SATB1: variants seen among roughly 807,000 people sequenced by gnomAD.
SATB1 encodes the protein SATB homeobox 1, also known as DNA-binding protein SATB1.
Under a neutral mutation model 86.9 loss-of-function variants are expected in SATB1, and 11 were observed. The ratio of observed to expected loss-of-function variants is 0.13; its 90% confidence interval spans 0.08 to 0.21. SATB1 has a LOEUF of 0.21. Ranked by LOEUF, SATB1 falls within the 10% of genes least tolerant of loss-of-function variation. SATB1 has a pLI of 1.00. For synonymous variants in SATB1, 357 were observed against 357.2 expected (o/e 1.00, Z 0.01); for missense variants, 551 against 937.6 (o/e 0.59, Z 5.39).
chr3:18,353,274 A>T (rs1694464426), intron 9 of SATB1, among the ~76,000 whole-genome samples: 1 of 151,880 alleles, frequency 6.6e-6, no homozygotes, highest in Non-Finnish European at 1.5e-5. Flanking sequence ...TGGACAACTT[A>T]CTCTACCCTT....
At chr3:18,422,043 C>A (rs756181408) in intron 1 of SATB1, among the ~76,000 whole-genome samples, 4 of 152,020 alleles carry the variant, frequency 2.6e-5, no homozygotes, top group Non-Finnish European at 5.9e-5. Context: ...ATATCAAAGT[C>A]ATTTTTAAAG....
chr3:18,351,411 A>G, intron 10 of SATB1: 1 of 1,543,020 alleles, frequency 6.5e-7, no homozygotes, highest in Non-Finnish European at 8.7e-7. Flanking sequence ...GAGGGGCTCT[A>G]AAGGAAAGAC....
chr3:18,417,479 A>C, intron 2 of SATB1: 3 of 590,972 alleles, frequency 5.1e-6, no homozygotes, highest in Non-Finnish European at 6.0e-6. Context: ...AGAAGAACCC[A>C]CCTTTCTACT....
At chr3:18,404,815 T>C (rs540182860) in intron 5 of SATB1, among the ~76,000 whole-genome samples, 1 of 151,608 alleles carries the variant, frequency 6.6e-6, no homozygotes, top group South Asian at 2.1e-4. Context: ...CAAATGAATA[T>C]ACTGGTAAAG....
rs762402113 is a variant in SATB1, at chr3:18,352,242, C to A, written c.1576-47G>T. 6.4e-7 allele frequency: 1 copy of A among 1,558,320 alleles called. No homozygotes were observed. The highest frequency in any genetic ancestry group is 8.8e-7 in the Non-Finnish European group (1 of 1,132,008). ...GGTCAGTTTGTGCCTATGAGAGGGG[C>A]TGGCATTTTCCATTAGGAGCTAAAA... is the stretch of plus-strand genomic sequence containing the variant. On this transcript the variant is annotated intron_variant, in intron 9 of 10. Transcript: ENST00000338745. This position sits in a 1 kb window ranked among gnomAD's most constrained non-coding sequence, Gnocchi z 4.1.
At chr3:18,406,255 G>GA (rs1160948661) in intron 5 of SATB1, among the ~76,000 whole-genome samples, 1 of 151,982 alleles carries the variant, frequency 6.6e-6, no homozygotes, top group Admixed American at 6.6e-5. Context: ...GCCTTAAATG[G>GA]AGTCTCTTAT....
chr3:18,435,361 T>C (rs1472987369), intron 2 of SATB1: 2 of 152,182 alleles, frequency 1.3e-5, no homozygotes, highest in Admixed American at 6.5e-5. Context: ...TGTGTCATTA[T>C]GACTGCCAGA....
rs375861805 is a variant in SATB1, at chr3:18,412,693, T to C, written c.639+2418A>G. Among the ~76,000 whole-genome samples the C allele has an allele frequency of 3.2e-3, 494 of 152,214 alleles. 1 individual carries two copies. The highest frequency in any genetic ancestry group is 0.011 in the African/African-American group (446 of 41,556). ...GGCTTTTTTCACCATGACATCTTCATCACCAAATCTTAACCATAGGAAAAA... is the reference window on the plus strand; with the variant it reads ...GGCTTTTTTCACCATGACATCTTCACCACCAAATCTTAACCATAGGAAAAA... On this transcript the variant is annotated intron_variant, in intron 5 of 10. Coordinates refer to ENST00000338745, the MANE Select transcript of SATB1 (RefSeq NM_002971.6).
chr3:18,416,450 A>G (rs1236429423), intron 3 of SATB1, among the ~76,000 whole-genome samples: 1 of 152,138 alleles, frequency 6.6e-6, no homozygotes, highest in Non-Finnish European at 1.5e-5. Context: ...CCAGTTCTAA[A>G]TGGCTTTATG....
intron 9 of SATB1, among the ~76,000 whole-genome samples, chr3:18,374,253 C>T (rs1199458188): frequency 1.3e-5 from 2 of 152,118 alleles, no homozygotes; most frequent in East Asian, 1.9e-4. Context: ...ACATCTGCCA[C>T]CATTAAGGAA....
chr3:18,397,484 G>A (rs1697023125), intron 5 of SATB1, among the ~76,000 whole-genome samples, 194 bp from the exon 6 acceptor site: 2 of 152,042 alleles, frequency 1.3e-5, no homozygotes, highest in Non-Finnish European at 2.9e-5. Flanking sequence ...TAAGTAGAAA[G>A]CAACAGCCCA....
At chr3:18,377,162 T>C (rs970577568) in intron 9 of SATB1, among the ~76,000 whole-genome samples, 1 of 152,166 alleles carries the variant, frequency 6.6e-6, no homozygotes, top group Non-Finnish European at 1.5e-5. Flanking sequence ...TACAAATATA[T>C]CGGATTATAA....
At chr3:18,392,888 A>C (rs1329191927) in intron 7 of SATB1, among the ~76,000 whole-genome samples, 1 of 152,074 alleles carries the variant, frequency 6.6e-6, no homozygotes, top group Non-Finnish European at 1.5e-5. Flanking sequence ...TTAAGCTATA[A>C]AGATATAGAA....
intron 8 of SATB1, 141 bp from the exon 9 acceptor site, chr3:18,378,466 T>C (rs879517163): frequency 2.3e-5 from 18 of 781,238 alleles, no homozygotes; most frequent in African/African-American, 7.3e-5. Flanking sequence ...ACATTAGTTA[T>C]TGCCCTGAGA....
At chr3:18,420,695 G>A (rs1698340820) in intron 2 of SATB1, 62 bp downstream of exon 2, 5 of 1,316,814 alleles carry the variant, frequency 3.8e-6, no homozygotes, top group Non-Finnish European at 5.5e-6. Context: ...CCCCCACACA[G>A]TGTGGCCTTG....
In SATB1 at chr3:18,386,303, C is replaced by G; in HGVS notation, c.1419+96G>C. 2.2e-6 allele frequency: 2 copies of G among 929,804 alleles called. No homozygotes were observed. Among genetic ancestry groups the G allele is most frequent in the Non-Finnish European group, 3.3e-6 (2 of 598,944 alleles). 57.6% of individuals were successfully genotyped at this position (929,804 alleles called of 1,614,324 possible). On this transcript the variant is annotated intron_variant, in intron 8 of 10. Coordinates refer to ENST00000338745, the MANE Select transcript of SATB1 (RefSeq NM_002971.6). The surrounding 1 kb of genome is among the most constrained non-coding windows in gnomAD (Gnocchi z 4.5). ...TATACGAATTTAAAAACATATAAAT[C>G]TATGTATCTATCTATCTAATTTCTT...
chr3:18,436,970 G>A (rs149540325), intron 1 of SATB1: 1 of 152,278 alleles, frequency 6.6e-6, no homozygotes, highest in African/African-American at 2.4e-5. Flanking sequence ...TCTAGTTTCA[G>A]TAACCCATTG....
chr3:18,378,475 G>T, intron 8 of SATB1, 150 bp from the exon 9 acceptor site: 1 of 739,624 alleles, frequency 1.4e-6, no homozygotes, highest in Non-Finnish European at 2.2e-6. Flanking sequence ...ATTGCCCTGA[G>T]ATCAGATTGC....
intron 9 of SATB1, among the ~76,000 whole-genome samples, chr3:18,366,826 A>G (rs917480535): frequency 4.6e-5 from 7 of 152,148 alleles, no homozygotes; most frequent in East Asian, 3.9e-4. Context: ...CCACCTGTAA[A>G]TAACCCTTCT....
Sources: allele counts gnomAD v4.1 joint callset (sites outside exome capture counted in the v4.1 genomes callset), GRCh38; gene constraint gnomAD v4.1.1; non-coding constraint Gnocchi (gnomAD v3.1); transcripts MANE v1.5; gene names NCBI Gene and HGNC (gene_info 2026-07-23, HGNC 2026-07-21).